Variants in DLG2 observed in about 807,000 individuals in gnomAD.
The protein encoded by DLG2 is disks large homolog 2.
Under a neutral mutation model 132.5 loss-of-function variants are expected in DLG2, and 45 were observed. That is an observed-to-expected ratio of 0.34 (90% CI 0.27 to 0.44). The LOEUF (loss-of-function observed/expected upper bound fraction) is 0.44. Among genes scored for constraint, DLG2 ranks in the 20% least tolerant of loss-of-function variants. The pLI is 1.00. For synonymous variants in DLG2, 424 were observed against 419.6 expected (o/e 1.01, Z -0.13); for missense variants, 1,045 against 1,196.9 (o/e 0.87, Z 1.87).
intron 6 of DLG2, among the ~76,000 whole-genome samples, chr11:84,736,818 T>A (rs2153818291): frequency 6.6e-6 from 1 of 152,152 alleles, no homozygotes; most frequent in East Asian, 1.9e-4. Flanking sequence ...ATGTCATCTG[T>A]AAACAAAAAT....
intron 8 of DLG2, among the ~76,000 whole-genome samples, chr11:84,194,302 G>A (rs1005916610): frequency 6.6e-6 from 1 of 152,150 alleles, no homozygotes; most frequent in Non-Finnish European, 1.5e-5. Flanking sequence ...TAAAGATGGT[G>A]CCTCTGGAGT....
rs143296142 is a variant in DLG2, at chr11:84,411,077, A to G, written c.519+123493T>C. On this transcript the variant is annotated intron_variant, in intron 7 of 27. Transcript: ENST00000376104. ...CTAAACAAACCAGAGCTATGCAGTG[A>G]AAAGGCAGAACACAGCTTTTCAGTA... 7.5e-3 allele frequency among the ~76,000 whole-genome samples: 1,148 copies of G among 152,326 alleles called. 17 individuals are homozygous for G. The highest frequency in any genetic ancestry group is 0.025 in the African/African-American group (1,022 of 41,576).
chr11:85,068,538 A>G (rs946931426), intron 6 of DLG2, among the ~76,000 whole-genome samples: 85 of 152,154 alleles, frequency 5.6e-4, no homozygotes, highest in African/African-American at 2.0e-3. Context: ...TCATGAGTGA[A>G]CTCCCATTCA....
chr11:84,426,172 A>G (rs954704176), intron 7 of DLG2, among the ~76,000 whole-genome samples: 1 of 152,158 alleles, frequency 6.6e-6, no homozygotes, highest in African/African-American at 2.4e-5. Context: ...TCAATATTTG[A>G]TCATGAGAAA....
chr11:84,249,265 A>G (rs1265150864), intron 8 of DLG2, among the ~76,000 whole-genome samples: 1 of 152,238 alleles, frequency 6.6e-6, no homozygotes, highest in Non-Finnish European at 1.5e-5. Flanking sequence ...TCCTTCATAT[A>G]TAAATGGATC....
chr11:83,610,104 G>A (rs764632262), intron 19 of DLG2, among the ~76,000 whole-genome samples: 6 of 152,174 alleles, frequency 3.9e-5, no homozygotes, highest in Non-Finnish European at 8.8e-5. Flanking sequence ...TTCATGTCCA[G>A]TGTTTATATT....
chr11:84,613,380 G>A (rs902554474), intron 6 of DLG2, among the ~76,000 whole-genome samples: 4 of 152,090 alleles, frequency 2.6e-5, no homozygotes, highest in African/African-American at 9.7e-5. Flanking sequence ...GACTAGGTTA[G>A]CAGATACAGC....
intron 8 of DLG2, among the ~76,000 whole-genome samples, chr11:84,173,431 C>A (rs908566052): frequency 7.2e-5 from 11 of 152,304 alleles, no homozygotes; most frequent in Admixed American, 3.3e-4. Context: ...CAAATCTCCT[C>A]CCTCACCTCA....
intron 6 of DLG2, among the ~76,000 whole-genome samples, chr11:84,871,550 TGAA>T (rs761839930): frequency 1.6e-4 from 24 of 152,244 alleles, no homozygotes; most frequent in Middle Eastern, 6.8e-3. Flanking sequence ...ACCAAAGGGA[TGAA>T]GAAGACTCTT....
chr11:84,983,023 T>G (rs548257059), intron 6 of DLG2, among the ~76,000 whole-genome samples: 76 of 152,216 alleles, frequency 5.0e-4, no homozygotes, highest in Non-Finnish European at 9.4e-4. Flanking sequence ...CAGGCAAGGA[T>G]GTCCACCCTC....
chr11:83,905,807 G>T (rs567092963), intron 15 of DLG2, among the ~76,000 whole-genome samples: 1 of 152,038 alleles, frequency 6.6e-6, no homozygotes, highest in Non-Finnish European at 1.5e-5. Context: ...CACCTTTGAC[G>T]TAAGCCATTT....
At chr11:84,136,141 C>A (rs1267013741) in intron 9 of DLG2, among the ~76,000 whole-genome samples, 2 of 152,094 alleles carry the variant, frequency 1.3e-5, no homozygotes, top group Non-Finnish European at 2.9e-5. Flanking sequence ...CTATCCCTGG[C>A]TTTTTCATAC....
chr11:85,625,028 T>C (rs921200044), intron 2 of DLG2: 1 of 152,228 alleles, frequency 6.6e-6, no homozygotes, highest in Non-Finnish European at 1.5e-5. Flanking sequence ...CATTAAGTTC[T>C]AAACTTTCTA....
At chr11:85,368,495 T>G (rs2084722467) in intron 3 of DLG2, among the ~76,000 whole-genome samples, 1 of 152,226 alleles carries the variant, frequency 6.6e-6, no homozygotes, top group Admixed American at 6.5e-5. Context: ...CCACCTCCAC[T>G]GTTCTCCTAA....
At chr11:85,322,020 A>G (rs1517318) in intron 3 of DLG2, among the ~76,000 whole-genome samples, 2,743 of 152,180 alleles carry the variant, frequency 0.018, 48 homozygotes, top group Admixed American at 0.035. Context: ...CCTATTTCCT[A>G]TTACATTTTA....
chr11:85,289,046 A>G (rs1200539693), intron 3 of DLG2, among the ~76,000 whole-genome samples: 4 of 151,674 alleles, frequency 2.6e-5, no homozygotes, highest in Admixed American at 6.6e-5. Context: ...TATACCCCCA[A>G]ATGTGAAGAA....
chr11:83,593,660 A>AT (rs914568615), intron 19 of DLG2, among the ~76,000 whole-genome samples: 9 of 149,212 alleles, frequency 6.0e-5, no homozygotes, highest in African/African-American at 2.0e-4. Flanking sequence ...AAAGAAATAT[A>AT]TTAAAAAAAA....
chr11:84,912,072 C>T (rs535873488), intron 6 of DLG2, among the ~76,000 whole-genome samples: 1 of 152,272 alleles, frequency 6.6e-6, no homozygotes, highest in South Asian at 2.1e-4. Context: ...GCTACATAAG[C>T]CAGTTTGAGA....
intron 9 of DLG2, among the ~76,000 whole-genome samples, chr11:84,121,863 T>A (rs1349977874): frequency 6.6e-6 from 1 of 151,310 alleles, no homozygotes; most frequent in African/African-American, 2.4e-5. Flanking sequence ...GCCCAGCCTT[T>A]CCTTGCTAAC....
Sources: gnomAD v4.1 joint callset for allele counts (sites outside exome capture counted in the v4.1 genomes callset) on GRCh38, gnomAD v4.1.1 for gene constraint, MANE v1.5 for transcripts, NCBI Gene and HGNC (gene_info 2026-07-23, HGNC 2026-07-21) for gene names.